Variants in SUPT7L observed in about 807,000 individuals in gnomAD.
The protein encoded by SUPT7L is STAGA complex 65 subunit gamma.
A neutral mutation model predicts 35.7 loss-of-function variants in SUPT7L; 15 were observed. The ratio of observed to expected loss-of-function variants is 0.42; its 90% CI spans 0.28 to 0.65. SUPT7L has a LOEUF of 0.65. Among genes scored for constraint, SUPT7L ranks in the 30% least tolerant of loss-of-function variants. The pLI is 0.23. For missense variants in SUPT7L, 434 were observed against 522.2 expected (o/e 0.83, Z 1.65); for synonymous variants, 168 against 186.2 (o/e 0.90, Z 0.79).
Position 27,657,744 on chromosome 2 carries a change from T to C in SUPT7L, c.420-75A>G. 1 of 1,405,750 alleles carries C rather than the reference T, an allele frequency of 7.1e-7. No homozygotes were observed. Among genetic ancestry groups the C allele is most frequent in the South Asian group, 1.4e-5 (1 of 70,190 alleles). 87.1% of individuals were successfully genotyped at this position (1,405,750 alleles called of 1,614,324 possible). Reference sequence around the variant, plus strand: ...CCCCTCCTGTCTTCCCCAGGAGTTTTACAATTCCAGTCAAGCCACTGGCCT... The same window carrying C: ...CCCCTCCTGTCTTCCCCAGGAGTTTCACAATTCCAGTCAAGCCACTGGCCT... On this transcript the variant is annotated intron_variant, in intron 3 of 5. Transcript: ENST00000337768. This position sits in a 1 kb window ranked among gnomAD's most constrained non-coding sequence, Gnocchi z 5.2.
intron 5 of SUPT7L, 24 bp from the exon 6 acceptor site, chr2:27,653,771 A>T: frequency 6.2e-7 from 1 of 1,614,114 alleles, no homozygotes; most frequent in Non-Finnish European, 8.5e-7. Flanking sequence ...AAAGATGGAC[A>T]TACACCAAGT....
At chr2:27,659,547 G>A (rs533893768) in intron 3 of SUPT7L, among the ~76,000 whole-genome samples, 2 of 152,140 alleles carry the variant, frequency 1.3e-5, no homozygotes, top group African/African-American at 4.8e-5. Context: ...CTGGATTCGA[G>A]GGAAAAGACA....
chr2:27,644,726 T>TTG, the SUPT7L span, among the ~76,000 whole-genome samples: 2 of 147,030 alleles, frequency 1.4e-5, no homozygotes, highest in African/African-American at 5.0e-5. Flanking sequence ...TGGTAGTGTT[T>TTG]TTTTTTTTTT....
At position 27,657,792 on chromosome 2, in the gene SUPT7L, C is replaced by A; in HGVS notation, c.420-123G>T. 2 of 916,254 alleles carry A rather than the reference C, an allele frequency of 2.2e-6. No individual in the cohort carries two copies. The highest frequency in any genetic ancestry group is 3.2e-6 in the Non-Finnish European group (2 of 619,152). 56.8% of individuals were successfully genotyped at this position (916,254 alleles called of 1,614,324 possible). A position where few individuals can be genotyped will look rare whatever the true frequency, so the allele number is the denominator to read the frequency against. Reference sequence around the variant, plus strand: ...CCTAGCTTTCCAGGGAAATTCCATCCAAGTTACATAGCTCAGTTTCATCCT... The same window carrying A: ...CCTAGCTTTCCAGGGAAATTCCATCAAAGTTACATAGCTCAGTTTCATCCT... On this transcript the variant is annotated intron_variant, in intron 3 of 5. Transcript: ENST00000337768. The surrounding 1 kb of genome is among the most constrained non-coding windows in gnomAD (Gnocchi z 5.2).
the SUPT7L span, among the ~76,000 whole-genome samples, chr2:27,645,775 A>G: frequency 6.6e-6 from 1 of 151,470 alleles, no homozygotes; most frequent in East Asian, 1.9e-4. Context: ...TGTCACCCCA[A>G]CTGGAGTGCA....
chr2:27,656,782 G>A (rs1342091788), intron 4 of SUPT7L, among the ~76,000 whole-genome samples: 11 of 151,900 alleles, frequency 7.2e-5, no homozygotes, highest in Non-Finnish European at 1.6e-4. Flanking sequence ...ACAGGCATGA[G>A]CTACCATGTC....
Position 27,657,113 on chromosome 2 carries a change from CT to C in SUPT7L, c.744+231del, listed in dbSNP as rs1342168895. 7.2e-5 allele frequency among the ~76,000 whole-genome samples: 11 copies of C among 152,328 alleles called. No homozygotes were observed. The highest frequency in any genetic ancestry group is 2.1e-4 in the South Asian group (1 of 4,830). ...ACTGCATTCTCTCAGATTCCATATA[CT>C]TGTGGATAGTTTCTTCCAGAGGAAG... On this transcript the variant is annotated intron_variant, in intron 4 of 5. Transcript: ENST00000337768. This position sits in a 1 kb window ranked among gnomAD's most constrained non-coding sequence, Gnocchi z 5.2.
At position 27,657,632 on chromosome 2, in the gene SUPT7L, A is replaced by C; in HGVS notation, c.457T>G (p.Ser153Ala). Reference protein sequence around the residue: ...GEPVTELSWHSCRQLLYQAVA... With the variant: ...GEPVTELSWHACRQLLYQAVA... ...GCCTGGTAGAGGAGCTGCCGACAGG[A>C]GTGCCAGCTGAGTTCAGTCACAGGT... The change falls in exon 4 of 6, where the codon TCC becomes GCC. Residue 153 changes from serine to alanine, a missense_variant. By Grantham distance (99) the Ser-to-Ala change is moderately conservative. Transcript: ENST00000337768. This position sits in a 1 kb window ranked among gnomAD's most constrained non-coding sequence, Gnocchi z 5.2. 1.9e-6 allele frequency: 3 copies of C among 1,614,010 alleles called. No individual in the cohort carries two copies. Among genetic ancestry groups the C allele is most frequent in the Non-Finnish European group, 2.5e-6 (3 of 1,179,898 alleles).
At chr2:27,647,998 T>G (rs779177170), downstream of SUPT7L, 1 of 978,242 alleles carries the variant, frequency 1.0e-6, no homozygotes, top group Non-Finnish European at 1.6e-6. Flanking sequence ...ATCCTCACAT[T>G]GTTTGCCCAG....
chr2:27,654,477 A>C (rs1674700271), intron 5 of SUPT7L, among the ~76,000 whole-genome samples: 1 of 152,168 alleles, frequency 6.6e-6, no homozygotes, highest in Non-Finnish European at 1.5e-5. Context: ...CTAATTTGCA[A>C]CCTAACTGAC....
Position 27,663,611 on chromosome 2 carries a change from A to T in SUPT7L, c.-372T>A. 1 of 746,290 alleles carries T rather than the reference A, an allele frequency of 1.3e-6. No individual in the cohort carries two copies. Among genetic ancestry groups the T allele is most frequent in the Non-Finnish European group, 2.2e-6 (1 of 456,926 alleles). The allele number at this position is 746,290 out of a possible 1,614,324, so 46.2% of individuals were successfully genotyped here. ...CCGAAAGCTGGTTTGTTGATTAGTGATCTAAGACCGCCGGAAGCGCTTCTT... is the reference window on the plus strand; with the variant it reads ...CCGAAAGCTGGTTTGTTGATTAGTGTTCTAAGACCGCCGGAAGCGCTTCTT... On this transcript the variant is annotated 5_prime_UTR_variant, in exon 1 of 6. Coordinates refer to ENST00000337768, the MANE Select transcript of SUPT7L (RefSeq NM_014860.3).
At position 27,653,377 on chromosome 2, in the gene SUPT7L, G is replaced by T; in HGVS notation, c.*108C>A. The T allele has an allele frequency of 6.9e-7, 1 of 1,456,344 alleles. No homozygotes were observed. Among genetic ancestry groups the T allele is most frequent in the Non-Finnish European group, 9.1e-7 (1 of 1,093,042 alleles). The allele number at this position is 1,456,344 out of a possible 1,614,324, so 90.2% of individuals were successfully genotyped here. A position where few individuals can be genotyped will look rare whatever the true frequency, so the allele number is the denominator to read the frequency against. On this transcript the variant is annotated 3_prime_UTR_variant, in exon 6 of 6. Coordinates refer to ENST00000337768, the MANE Select transcript of SUPT7L (RefSeq NM_014860.3). ...CCTCTGGAATTAGGAAAAACCACTT[G>T]TGTTTAAGAACAGGAGTCAAATCAA... is the stretch of plus-strand genomic sequence containing the variant.
Position 27,653,308 on chromosome 2 carries a change from TG to T in SUPT7L, c.*176del. ...CTTGGTTGTGGAAAACTATAAAAAC[TG>T]GATGCAAAAGTAAAATGCAACCTTG... On this transcript the variant is annotated 3_prime_UTR_variant, in exon 6 of 6. Transcript: ENST00000337768. 4 of 859,844 alleles carry T rather than the reference TG, an allele frequency of 4.7e-6. No individual in the cohort carries two copies. The highest frequency in any genetic ancestry group is 1.7e-5 in the African/African-American group (1 of 58,966). 53.3% of individuals were successfully genotyped at this position (859,844 alleles called of 1,614,324 possible).
downstream of SUPT7L, among the ~76,000 whole-genome samples, chr2:27,649,736 G>A (rs1383214510): frequency 6.6e-6 from 1 of 152,102 alleles, no homozygotes; most frequent in Non-Finnish European, 1.5e-5. Context: ...TTCCATTATT[G>A]TGGATGTTCC....
At position 27,657,341 on chromosome 2, in the gene SUPT7L, T is replaced by C. The variant is rs747169800; in HGVS notation, c.744+4A>G. On this transcript the variant is annotated splice_donor_region_variant and intron_variant, in intron 4 of 5. Transcript: ENST00000337768. The surrounding 1 kb of genome is among the most constrained non-coding windows in gnomAD (Gnocchi z 5.2). ...GTGCCCACTTTTCAACAGGGTCGCC[T>C]CACCTGTAGCATGTAACTGTGATAG... is the stretch of plus-strand genomic sequence containing the variant. The C allele has an allele frequency of 6.2e-7, 1 of 1,611,686 alleles. No homozygotes were observed. Among genetic ancestry groups the C allele is most frequent in the South Asian group, 1.1e-5 (1 of 90,992 alleles).
rs746286777 is a variant in SUPT7L, at chr2:27,661,044, C to A, written c.359G>T (p.Cys120Phe). 6.2e-6 allele frequency: 10 copies of A among 1,614,144 alleles called. No homozygotes were observed. The highest frequency in any genetic ancestry group is 8.5e-6 in the Non-Finnish European group (10 of 1,180,012). ...CTGGAATGGTGCATTGGGATTCTTA[C>A]AATCTAAAGGCAGGAGGTCATCAGG... ...PLPDDLLPLD[C>F]KNPNAPFQIR... The change falls in exon 3 of 6, where the codon TGT (cysteine) becomes TTT (phenylalanine). Residue 120 changes from cysteine (C) to phenylalanine (F), a missense_variant. By Grantham distance (205) the Cys-to-Phe change is radical. This residue lies in a region of SUPT7L where 198 missense variants were observed against 190.8 expected (regional missense o/e 1.04). Coordinates refer to ENST00000337768, the MANE Select transcript of SUPT7L (RefSeq NM_014860.3).
In SUPT7L at chr2:27,651,698, A is replaced by G. The variant is rs1674562735; in HGVS notation, c.*1787T>C. 1 of 152,236 alleles carries G rather than the reference A, an allele frequency of 6.6e-6. No individual in the cohort carries two copies. 9.4% of individuals were successfully genotyped at this position (152,236 alleles called of 1,614,324 possible). A position where few individuals can be genotyped will look rare whatever the true frequency, so the allele number is the denominator to read the frequency against. Reference sequence around the variant, plus strand: ...TCAAGCTCCAAAAGGGTAAGGAAGAAGTCTTAATCATTTTTGTATTCCTTG... The same window carrying G: ...TCAAGCTCCAAAAGGGTAAGGAAGAGGTCTTAATCATTTTTGTATTCCTTG... On this transcript the variant is annotated 3_prime_UTR_variant, in exon 6 of 6. Coordinates refer to ENST00000337768, the MANE Select transcript of SUPT7L (RefSeq NM_014860.3).
intron 4 of SUPT7L, among the ~76,000 whole-genome samples, chr2:27,656,106 AGT>A (rs1200415948): frequency 6.6e-6 from 1 of 151,970 alleles, no homozygotes; most frequent in Non-Finnish European, 1.5e-5. Context: ...GATCGCTTGT[AGT>A]GAGCTGTGAT....
At chr2:27,660,111 C>T (rs1675027373) in intron 3 of SUPT7L, among the ~76,000 whole-genome samples, 3 of 152,126 alleles carry the variant, frequency 2.0e-5, no homozygotes, top group African/African-American at 7.2e-5. Flanking sequence ...GATTCTGATT[C>T]AGCAGGACTG....
Sources: allele counts gnomAD v4.1 joint callset (sites outside exome capture counted in the v4.1 genomes callset), GRCh38; gene constraint gnomAD v4.1.1; regional missense constraint gnomAD v4.1.1; non-coding constraint Gnocchi (gnomAD v3.1); transcripts MANE v1.5; gene names NCBI Gene and HGNC (gene_info 2026-07-23, HGNC 2026-07-21).